STXBP6: variants seen among roughly 807,000 people sequenced by gnomAD.
STXBP6 encodes the protein syntaxin-binding protein 6.
Under a neutral mutation model 26.9 loss-of-function variants are expected in STXBP6, and 21 were observed. The observed-to-expected ratio is 0.78, with a 90% CI of 0.55 to 1.12. The LOEUF (loss-of-function observed/expected upper bound fraction) is 1.12. STXBP6 is among the 50% of genes most tolerant of loss of function. The pLI is 0.00. For synonymous variants in STXBP6, 97 were observed against 92.6 expected (o/e 1.05, Z -0.27); for missense variants, 232 against 257.9 (o/e 0.90, Z 0.69).
At chr14:24,951,845 T>C (rs1233485172) in intron 2 of STXBP6, among the ~76,000 whole-genome samples, 1 of 152,086 alleles carries the variant, frequency 6.6e-6, no homozygotes, top group East Asian at 1.9e-4. Context: ...TGTTTCATCC[T>C]TTTAAATAAA....
intron 2 of STXBP6, among the ~76,000 whole-genome samples, chr14:24,951,272 G>A (rs55687412): frequency 0.096 from 14,611 of 152,090 alleles, 922 homozygotes; most frequent in East Asian, 0.26. Context: ...GGATTGCTGG[G>A]TCAAATGGTA....
chr14:24,884,822 A>C (rs1410781425), intron 2 of STXBP6, among the ~76,000 whole-genome samples: 3 of 152,350 alleles, frequency 2.0e-5, no homozygotes, highest in East Asian at 3.9e-4. Flanking sequence ...AGGTACACTC[A>C]GTATGAAATG....
chr14:24,848,111 G>A (rs918222712), intron 4 of STXBP6, among the ~76,000 whole-genome samples: 1 of 152,098 alleles, frequency 6.6e-6, no homozygotes, highest in Non-Finnish European at 1.5e-5. Context: ...AATATGCTGG[G>A]AGAAATCATG....
At chr14:24,903,170 A>T (rs1373885317) in intron 2 of STXBP6, among the ~76,000 whole-genome samples, 2 of 152,152 alleles carry the variant, frequency 1.3e-5, no homozygotes, top group Non-Finnish European at 2.9e-5. Context: ...CTTTGCAGTG[A>T]AATTTCTGGA....
chr14:24,927,710 T>A (rs1287203669), intron 2 of STXBP6, among the ~76,000 whole-genome samples: 1 of 152,240 alleles, frequency 6.6e-6, no homozygotes, highest in Non-Finnish European at 1.5e-5. Flanking sequence ...GTAGCCTTCC[T>A]TCAAGTGACA....
chr14:24,974,916 A>G (rs190002158), intron 1 of STXBP6, 66 bp from the exon 2 acceptor site: 16 of 1,048,260 alleles, frequency 1.5e-5, no homozygotes. Context: ...TACAATAATC[A>G]GCAGCAAGTG....
At chr14:25,002,014 C>T (rs2074772043) in intron 1 of STXBP6, among the ~76,000 whole-genome samples, 1 of 152,178 alleles carries the variant, frequency 6.6e-6, no homozygotes, top group South Asian at 2.1e-4. Flanking sequence ...CAGGCTATTA[C>T]TTGCAACATC....
At chr14:24,947,864 G>C (rs2073042142) in intron 2 of STXBP6, among the ~76,000 whole-genome samples, 1 of 152,088 alleles carries the variant, frequency 6.6e-6, no homozygotes, top group Non-Finnish European at 1.5e-5. Context: ...TATTTGTAAG[G>C]ATCCACACTC....
chr14:24,896,388 C>T (rs1265871729), intron 2 of STXBP6, among the ~76,000 whole-genome samples: 1 of 152,130 alleles, frequency 6.6e-6, no homozygotes, highest in African/African-American at 2.4e-5. Context: ...GAACAGAACC[C>T]GCTGTCAGCT....
At chr14:24,907,696 C>G (rs1169027337) in intron 2 of STXBP6, among the ~76,000 whole-genome samples, 1 of 152,068 alleles carries the variant, frequency 6.6e-6, no homozygotes, top group African/African-American at 2.4e-5. Context: ...AGTAGTTACA[C>G]TGAATTCTAC....
In STXBP6 at chr14:24,879,998, T is replaced by A. The variant is rs371611314; in HGVS notation, c.155-22841A>T. On this transcript the variant is annotated intron_variant, in intron 2 of 5. Transcript: ENST00000323944. Reference sequence around the variant, plus strand: ...ATACTCCCTTTCGTCATCTATTAAGTCATGAATCTGTTTCTACCACTATGT... The same window carrying A: ...ATACTCCCTTTCGTCATCTATTAAGACATGAATCTGTTTCTACCACTATGT... Among the ~76,000 whole-genome samples, 8 of 152,308 alleles carry A rather than the reference T, an allele frequency of 5.3e-5. No homozygotes were observed. In the East Asian group the frequency reaches 1.4e-3, roughly 26 times the overall value.
At chr14:24,997,772 C>G (rs1490948611) in intron 1 of STXBP6, among the ~76,000 whole-genome samples, 1 of 152,104 alleles carries the variant, frequency 6.6e-6, no homozygotes, top group Non-Finnish European at 1.5e-5. Flanking sequence ...AGACTTCTTC[C>G]TATGAATATA....
At chr14:25,024,997 C>T (rs1486212371) in intron 1 of STXBP6, among the ~76,000 whole-genome samples, 1 of 152,078 alleles carries the variant, frequency 6.6e-6, no homozygotes, top group East Asian at 1.9e-4. Context: ...CTAATTATTG[C>T]ACAAACTAAT....
intron 2 of STXBP6, among the ~76,000 whole-genome samples, chr14:24,889,630 T>C (rs540829397): frequency 2.0e-5 from 3 of 152,022 alleles, no homozygotes; most frequent in Admixed American, 6.5e-5. Flanking sequence ...TTACATATTA[T>C]ATGTATGTGT....
chr14:25,034,359 C>A (rs2075515722), intron 1 of STXBP6, among the ~76,000 whole-genome samples: 1 of 152,122 alleles, frequency 6.6e-6, no homozygotes, highest in East Asian at 1.9e-4. Context: ...AATGGCATTT[C>A]TCTCCTTCAA....
At chr14:24,891,871 A>G (rs2070799276) in intron 2 of STXBP6, among the ~76,000 whole-genome samples, 1 of 152,174 alleles carries the variant, frequency 6.6e-6, no homozygotes. Flanking sequence ...CCTGGTGCAG[A>G]ACATTTCCTC....
chr14:25,018,645 G>A (rs1595331109), intron 1 of STXBP6, among the ~76,000 whole-genome samples: 1 of 152,190 alleles, frequency 6.6e-6, no homozygotes, highest in African/African-American at 2.4e-5. Flanking sequence ...AATCCACAGA[G>A]CTGTGTCCTG....
At chr14:24,887,887 A>G (rs939287583) in intron 2 of STXBP6, among the ~76,000 whole-genome samples, 1 of 152,236 alleles carries the variant, frequency 6.6e-6, no homozygotes, top group Admixed American at 6.5e-5. Flanking sequence ...CAGTGAGGGA[A>G]GGAAATTGCT....
chr14:24,911,992 G>A (rs2071592016), intron 2 of STXBP6, among the ~76,000 whole-genome samples: 1 of 152,096 alleles, frequency 6.6e-6, no homozygotes, highest in Non-Finnish European at 1.5e-5. Context: ...AGCAAGTGTG[G>A]TATTTTGAGT....
Sources: gnomAD v4.1 joint callset for allele counts (sites outside exome capture counted in the v4.1 genomes callset) on GRCh38, gnomAD v4.1.1 for gene constraint, MANE v1.5 for transcripts, NCBI Gene and HGNC (gene_info 2026-07-23, HGNC 2026-07-21) for gene names.